The following SGCG variants were observed in gnomAD, a reference collection of about 807,000 sequenced individuals.
SGCG encodes the protein sarcoglycan gamma, also known as gamma-sarcoglycan.
A neutral mutation model predicts 29.3 loss-of-function variants in SGCG; 26 were observed. The ratio of observed to expected loss-of-function variants is 0.89; its 90% confidence interval spans 0.65 to 1.23. The LOEUF (loss-of-function observed/expected upper bound fraction) is 1.23. SGCG is among the 50% of genes most tolerant of loss of function. The probability of loss-of-function intolerance (pLI) is 0.00; values close to 1 mark genes in which losing one functional copy is unlikely to be tolerated. For missense variants in SGCG, 353 were observed against 356.0 expected, an observed-to-expected ratio of 0.99 and a Z score of 0.07; for synonymous variants, 145 against 129.7, an observed-to-expected ratio of 1.12 and a Z score of -0.80.
intron 4 of SGCG, among the ~76,000 whole-genome samples, chr13:23,275,490 G>A (rs143189443): frequency 1.7e-3 from 226 of 136,228 alleles, no homozygotes; most frequent in African/African-American, 5.3e-3. Flanking sequence ...GCGACAGAGC[G>A]AGACCCTGTC....
chr13:23,205,101 A>T (rs553300889), intron 2 of SGCG, among the ~76,000 whole-genome samples: 2 of 151,998 alleles, frequency 1.3e-5, no homozygotes, highest in Non-Finnish European at 2.9e-5. Context: ...TAAATACATG[A>T]ACAATTATAT....
At chr13:23,201,392 G>T (rs1484866729) in intron 1 of SGCG, among the ~76,000 whole-genome samples, 1 of 152,110 alleles carries the variant, frequency 6.6e-6, no homozygotes, top group African/African-American at 2.4e-5. Context: ...TGCAGGTGTG[G>T]TTATGCCCAG....
At chr13:23,244,147 G>A (rs1879610121) in intron 3 of SGCG, 2 of 151,962 alleles carry the variant, frequency 1.3e-5, no homozygotes, top group Admixed American at 6.6e-5. Context: ...AGAAAATTGT[G>A]TATATAAAAA....
At chr13:23,269,134 A>C (rs1880759191) in intron 4 of SGCG, 1 of 152,200 alleles carries the variant, frequency 6.6e-6, no homozygotes, top group South Asian at 2.1e-4. Context: ...CTTTTGGAAA[A>C]AAGGGAAATA....
intron 4 of SGCG, among the ~76,000 whole-genome samples, chr13:23,276,195 C>A (rs974180343): frequency 6.6e-6 from 1 of 151,634 alleles, no homozygotes; most frequent in Admixed American, 6.6e-5. Flanking sequence ...AAAAAAAAAC[C>A]GCTAGAATAT....
intron 2 of SGCG, among the ~76,000 whole-genome samples, chr13:23,214,304 C>A (rs1566002132): frequency 1.3e-5 from 2 of 152,226 alleles, no homozygotes; most frequent in Admixed American, 6.5e-5. Context: ...GAGCTCCCAT[C>A]TCCCAGACTG....
chr13:23,250,444 T>C (rs1308984719), intron 3 of SGCG, among the ~76,000 whole-genome samples, 186 bp from the exon 4 acceptor site: 1 of 152,200 alleles, frequency 6.6e-6, no homozygotes, highest in Non-Finnish European at 1.5e-5. Flanking sequence ...TTTCAATAAA[T>C]ACTCAAAATG....
At chr13:23,162,341 G>A in the SGCG span, among the ~76,000 whole-genome samples, 5 of 152,202 alleles carry the variant, frequency 3.3e-5, no homozygotes, top group African/African-American at 9.6e-5. Context: ...CTGGGCGGGC[G>A]CGGTGGCTCA....
chr13:23,320,006 C>T (rs1382099328), intron 6 of SGCG, among the ~76,000 whole-genome samples: 1 of 152,128 alleles, frequency 6.6e-6, no homozygotes, highest in Non-Finnish European at 1.5e-5. Flanking sequence ...AGTATTTTTT[C>T]CAAAAGAAAT....
chr13:23,252,746 T>G (rs566800169), intron 4 of SGCG, among the ~76,000 whole-genome samples: 1 of 152,262 alleles, frequency 6.6e-6, no homozygotes, highest in African/African-American at 2.4e-5. Context: ...AAGTACACAT[T>G]CCTCTGTTTA....
intron 7 of SGCG, 31 bp from the exon 8 acceptor site, chr13:23,324,337 A>T (rs922362899): frequency 8.7e-6 from 14 of 1,611,862 alleles, no homozygotes; most frequent in Non-Finnish European, 1.2e-5. Context: ...GCCCTTCCTT[A>T]ACTCTTCGTC....
chr13:23,167,933 A>G, the SGCG span, among the ~76,000 whole-genome samples: 73 of 152,094 alleles, frequency 4.8e-4, no homozygotes, highest in African/African-American at 1.7e-3. Flanking sequence ...AGGTTTCACC[A>G]TGTTTGTTGG....
intron 2 of SGCG, among the ~76,000 whole-genome samples, chr13:23,216,889 A>G (rs528188423): frequency 6.6e-6 from 1 of 152,248 alleles, no homozygotes; most frequent in South Asian, 2.1e-4. Flanking sequence ...CTGTTTGATC[A>G]TCTGGTCTGG....
At chr13:23,269,878 T>TG (rs1880799569) in intron 4 of SGCG, among the ~76,000 whole-genome samples, 2 of 104,614 alleles carry the variant, frequency 1.9e-5, no homozygotes, top group African/African-American at 2.9e-5. Context: ...TTTTTTGTTT[T>TG]TTTTGTTTTT....
At chr13:23,202,153 A>G (rs899329499) in intron 1 of SGCG, among the ~76,000 whole-genome samples, 4 of 152,236 alleles carry the variant, frequency 2.6e-5, no homozygotes, top group Non-Finnish European at 5.9e-5. Context: ...TAGTAGATGA[A>G]GCCAAAGACA....
chr13:23,309,479 C>G lies in SGCG; in HGVS notation c.579-11158C>G, dbSNP rs188421885. Among the ~76,000 whole-genome samples the G allele has an allele frequency of 1.9e-3, 291 of 152,240 alleles. 1 individual carries two copies. The highest frequency in any genetic ancestry group is 6.4e-3 in the African/African-American group (266 of 41,558). ...ATGATGATAGTGCCGAAAAAAGAGT[C>G]ATCCTTTTTATTATTATACTTCTTA... On this transcript the variant is annotated intron_variant, in intron 6 of 7. Coordinates refer to ENST00000218867, the MANE Select transcript of SGCG (RefSeq NM_000231.3).
intron 6 of SGCG, among the ~76,000 whole-genome samples, chr13:23,309,428 A>G (rs1882479153): frequency 2.6e-5 from 4 of 152,152 alleles, no homozygotes; most frequent in African/African-American, 9.7e-5. Flanking sequence ...TTTTGATTGT[A>G]GAACTCAACT....
chr13:23,275,144 G>A (rs866604466), intron 4 of SGCG, among the ~76,000 whole-genome samples: 10 of 63,900 alleles, frequency 1.6e-4, no homozygotes, highest in South Asian at 6.4e-4. Context: ...TATATATATA[G>A]AAATGAGGAC....
chr13:23,314,390 A>ATATATATAT (rs1882722765), intron 6 of SGCG, among the ~76,000 whole-genome samples: 1 of 88,220 alleles, frequency 1.1e-5, no homozygotes, highest in Non-Finnish European at 2.9e-5. Flanking sequence ...GGTTATATAT[A>ATATATATAT]TATATATATA....
Sources: gnomAD v4.1 joint callset for allele counts (sites outside exome capture counted in the v4.1 genomes callset) on GRCh38, gnomAD v4.1.1 for gene constraint, MANE v1.5 for transcripts, NCBI Gene and HGNC (gene_info 2026-07-23, HGNC 2026-07-21) for gene names.